Variants in NTNG1 observed in about 807,000 individuals in gnomAD.
NTNG1 encodes netrin-G1.
A neutral mutation model predicts 54.0 loss-of-function variants in NTNG1; 16 were observed. The observed-to-expected ratio is 0.30, with a 90% CI of 0.20 to 0.45. The LOEUF (loss-of-function observed/expected upper bound fraction) is 0.45, where lower values mean the gene tolerates loss of function less well. NTNG1 is among the 20% of genes least tolerant of loss of function. NTNG1 has a pLI of 1.00. For missense variants in NTNG1, 530 were observed against 678.7 expected, an observed-to-expected ratio of 0.78 and a Z score of 2.43; for synonymous variants, 255 against 263.1, an observed-to-expected ratio of 0.97 and a Z score of 0.30.
At chr1:107,213,199 A>G (rs1433746073) in intron 2 of NTNG1, among the ~76,000 whole-genome samples, 2 of 152,052 alleles carry the variant, frequency 1.3e-5, no homozygotes, top group South Asian at 4.2e-4. Context: ...CCCATAAACT[A>G]ATTTGAATTG....
At chr1:107,154,771 T>G (rs1654851285) in intron 2 of NTNG1, among the ~76,000 whole-genome samples, 1 of 150,766 alleles carries the variant, frequency 6.6e-6, no homozygotes, top group Non-Finnish European at 1.5e-5. Flanking sequence ...TATATCAGGT[T>G]GGAATATATA....
intron 5 of NTNG1, among the ~76,000 whole-genome samples, chr1:107,419,732 G>A (rs945017953): frequency 6.6e-6 from 1 of 151,626 alleles, no homozygotes; most frequent in Non-Finnish European, 1.5e-5. Flanking sequence ...AGCAAAAGGA[G>A]GAACCAGGAA....
intron 2 of NTNG1, among the ~76,000 whole-genome samples, chr1:107,156,042 A>C (rs1654969714): frequency 6.6e-6 from 1 of 152,170 alleles, no homozygotes; most frequent in African/African-American, 2.4e-5. Context: ...AGATGTGTGT[A>C]AGTACACTCT....
intron 3 of NTNG1, among the ~76,000 whole-genome samples, chr1:107,333,704 A>T (rs1183814059): frequency 3.3e-5 from 5 of 151,782 alleles, no homozygotes; most frequent in African/African-American, 1.2e-4. Flanking sequence ...CTAAAAACAG[A>T]TTGATTTTTC....
intron 3 of NTNG1, among the ~76,000 whole-genome samples, chr1:107,383,982 G>A (rs559388041): frequency 3.3e-5 from 5 of 152,220 alleles, no homozygotes; most frequent in South Asian, 2.1e-4. Context: ...ACCAGTCTTC[G>A]GATAGATTGG....
Position 107,166,242 on chromosome 1 carries a change from G to T in NTNG1, c.246+17403G>T, listed in dbSNP as rs115699953. On this transcript the variant is annotated intron_variant, in intron 2 of 7. Coordinates refer to ENST00000370068, the MANE Select transcript of NTNG1 (RefSeq NM_001113226.3). Reference sequence around the variant, plus strand: ...GAAGAAGAAATAGAAGGACATTCTAGCTTAAGGAAACTGCAAAGTCTTGTA... The same window carrying T: ...GAAGAAGAAATAGAAGGACATTCTATCTTAAGGAAACTGCAAAGTCTTGTA... Among the ~76,000 whole-genome samples, 630 of 152,258 alleles carry T rather than the reference G, an allele frequency of 4.1e-3. 4 individuals are homozygous for T. The highest frequency in any genetic ancestry group is 0.01 in the Middle Eastern group (3 of 294).
intron 7 of NTNG1, among the ~76,000 whole-genome samples, chr1:107,457,422 T>C (rs1243322846): frequency 6.6e-6 from 1 of 152,212 alleles, no homozygotes; most frequent in Non-Finnish European, 1.5e-5. Flanking sequence ...GCTATAGATA[T>C]ACAGATATGA....
intron 2 of NTNG1, among the ~76,000 whole-genome samples, chr1:107,283,638 A>G (rs894289139): frequency 6.6e-6 from 1 of 152,164 alleles, no homozygotes; most frequent in Admixed American, 6.6e-5. Flanking sequence ...GACCATTTCA[A>G]TAGATCTGAC....
intron 2 of NTNG1, among the ~76,000 whole-genome samples, chr1:107,248,994 CAA>C (rs1196454799): frequency 6.4e-5 from 7 of 109,064 alleles, no homozygotes; most frequent in Admixed American, 9.4e-5. Context: ...ACTAAAAGTA[CAA>C]AAAAAAAAAA....
intron 2 of NTNG1, among the ~76,000 whole-genome samples, chr1:107,290,951 CAT>C (rs1553218723): frequency 1.5e-5 from 2 of 135,100 alleles, no homozygotes; most frequent in African/African-American, 6.1e-5. Flanking sequence ...TTTTAAAGTG[CAT>C]ATATATATAT....
At chr1:107,303,965 G>A (rs969419360) in intron 2 of NTNG1, among the ~76,000 whole-genome samples, 7 of 151,636 alleles carry the variant, frequency 4.6e-5, no homozygotes, top group South Asian at 2.1e-4. Flanking sequence ...GATTACAGGC[G>A]TGAGCCACCG....
chr1:107,394,041 A>G (rs1292510481), intron 3 of NTNG1, among the ~76,000 whole-genome samples: 1 of 152,084 alleles, frequency 6.6e-6, no homozygotes, highest in Non-Finnish European at 1.5e-5. Flanking sequence ...ATAAACACAC[A>G]CACACACACA....
chr1:107,238,231 C>T (rs1414769349), intron 2 of NTNG1, among the ~76,000 whole-genome samples: 1 of 152,184 alleles, frequency 6.6e-6, no homozygotes, highest in African/African-American at 2.4e-5. Context: ...CACTGGATTT[C>T]AGACTTGCAT....
chr1:107,372,156 A>G (rs1035322109), intron 3 of NTNG1, among the ~76,000 whole-genome samples: 14 of 151,388 alleles, frequency 9.2e-5, no homozygotes, highest in Non-Finnish European at 4.4e-5. Context: ...TATTATGTTT[A>G]TTTTTTCTAT....
chr1:107,431,274 A>G (rs1570946888), intron 6 of NTNG1, among the ~76,000 whole-genome samples: 1 of 152,306 alleles, frequency 6.6e-6, no homozygotes, highest in Admixed American at 6.5e-5. Context: ...TTCAACTTTC[A>G]AAATAGAAAC....
chr1:107,327,179 C>T (rs1209805600), intron 3 of NTNG1, among the ~76,000 whole-genome samples: 1 of 152,162 alleles, frequency 6.6e-6, no homozygotes, highest in African/African-American at 2.4e-5. Flanking sequence ...CTTCTGTCAC[C>T]TCCAGACTTT....
intron 7 of NTNG1, among the ~76,000 whole-genome samples, chr1:107,462,913 C>T (rs1182079368): frequency 2.0e-5 from 3 of 152,156 alleles, no homozygotes; most frequent in Non-Finnish European, 4.4e-5. Context: ...TGCCAACGCC[C>T]CACAGCTAAT....
At chr1:107,377,233 C>T (rs1270707060) in intron 3 of NTNG1, among the ~76,000 whole-genome samples, 1 of 152,134 alleles carries the variant, frequency 6.6e-6, no homozygotes, top group African/African-American at 2.4e-5. Context: ...AGTTTTAAGG[C>T]CTCACATTGA....
At chr1:107,219,410 T>C (rs531779821) in intron 2 of NTNG1, among the ~76,000 whole-genome samples, 2 of 152,228 alleles carry the variant, frequency 1.3e-5, no homozygotes, top group Non-Finnish European at 2.9e-5. Flanking sequence ...GAATTCTTTT[T>C]CTGGCAATTC....
Sources: gnomAD v4.1 joint callset for allele counts (sites outside exome capture counted in the v4.1 genomes callset) on GRCh38, gnomAD v4.1.1 for gene constraint, MANE v1.5 for transcripts, NCBI Gene and HGNC (gene_info 2026-07-23, HGNC 2026-07-21) for gene names.